BAIAP2: variants seen among roughly 807,000 people sequenced by gnomAD.
The protein encoded by BAIAP2 is BAR/IMD domain-containing adapter protein 2.
BAIAP2 carries 18 observed loss-of-function variants against 63.0 expected under a neutral mutation model. The ratio of observed to expected loss-of-function variants is 0.29; its 90% CI spans 0.20 to 0.42. The LOEUF is 0.42. Ranked by LOEUF, BAIAP2 falls within the 10% of genes least tolerant of loss-of-function variation. The probability of loss-of-function intolerance (pLI) is 1.00; values close to 1 mark genes in which losing one functional copy is unlikely to be tolerated. For synonymous variants in BAIAP2, 386 were observed against 307.6 expected (o/e 1.25, Z -2.67); for missense variants, 610 against 734.3 (o/e 0.83, Z 1.96).
In BAIAP2 at chr17:81,109,308, C is replaced by T. The variant is rs1206380335; in HGVS notation, c.1535+799C>T. Reference sequence around the variant, plus strand: ...CGGCCTCACCCTGCAGTGTCTGTGGCACTCACTGCTTTTCTAAGGCTCGCC... The same window carrying T: ...CGGCCTCACCCTGCAGTGTCTGTGGTACTCACTGCTTTTCTAAGGCTCGCC... On this transcript the variant is annotated intron_variant, in intron 13 of 13. Coordinates refer to ENST00000428708, the MANE Select transcript of BAIAP2 (RefSeq NM_001144888.2). 3 of 1,174,608 alleles carry T rather than the reference C, an allele frequency of 2.6e-6. No homozygotes were observed. The Admixed American group carries it at 1.4e-4, about 55-fold the overall frequency. The allele number at this position is 1,174,608 out of a possible 1,614,324, so 72.8% of individuals were successfully genotyped here. A position where few individuals can be genotyped will look rare whatever the true frequency, so the allele number is the denominator to read the frequency against.
At position 81,116,488 on chromosome 17, in the gene BAIAP2, C is replaced by T. The variant is rs966874024; in HGVS notation, c.*649C>T. On this transcript the variant is annotated 3_prime_UTR_variant, in exon 14 of 14. Coordinates refer to ENST00000428708, the MANE Select transcript of BAIAP2 (RefSeq NM_001144888.2). ...GCCCCAGCCCTCCTCCTTACCCAAC[C>T]TCCCATCCAGAACCTTGCTGCCAGG... The T allele has an allele frequency of 6.5e-6, 5 of 766,618 alleles. No homozygotes were observed. The highest frequency in any genetic ancestry group is 2.7e-5 in the East Asian group (1 of 36,608). 47.5% of individuals were successfully genotyped at this position (766,618 alleles called of 1,614,324 possible).
chr17:81,106,936 G>A lies in BAIAP2; in HGVS notation c.1500+29G>A, dbSNP rs1457558805. On this transcript the variant is annotated intron_variant, in intron 12 of 13. Transcript: ENST00000428708. ...AGTGGGCGGGGCCGGGGCTGGGAGG[G>A]GCCCGCAGGTGGAACAGTGGGCTCA... 4 of 1,479,108 alleles carry A rather than the reference G, an allele frequency of 2.7e-6. No individual in the cohort carries two copies. In the South Asian group the frequency reaches 5.5e-5, roughly 20 times the overall value. 91.6% of individuals were successfully genotyped at this position (1,479,108 alleles called of 1,614,324 possible).
intron 3 of BAIAP2, among the ~76,000 whole-genome samples, chr17:81,060,976 T>C (rs2050443632): frequency 6.6e-6 from 1 of 151,764 alleles, no homozygotes; most frequent in African/African-American, 2.4e-5. Flanking sequence ...TACAAAAAAT[T>C]AGCCGGGCGT....
At chr17:81,084,266 T>C (rs2055169270) in intron 3 of BAIAP2, among the ~76,000 whole-genome samples, 1 of 152,158 alleles carries the variant, frequency 6.6e-6, no homozygotes, top group Non-Finnish European at 1.5e-5. Flanking sequence ...ACCGCGCTCC[T>C]CTGGGGCTCA....
In BAIAP2 at chr17:81,115,821, T is replaced by A; in HGVS notation, c.1587T>A (p.Ser529=). ...AGCCGACAGTGACCAACGACAGGTC[T>A]GCCCCCCTCCTCAGCTGATGGCCAC... ...QLKPTVTNDR[S]APLLS Residue 529 remains serine, a synonymous_variant, in exon 14 of 14, where the codon TCT becomes TCA. Coordinates refer to ENST00000428708, the MANE Select transcript of BAIAP2 (RefSeq NM_001144888.2). 6.2e-7 allele frequency: 1 copy of A among 1,613,560 alleles called. No homozygotes were observed. The highest frequency in any genetic ancestry group is 1.3e-5 in the African/African-American group (1 of 75,074).
At chr17:81,053,061 C>A (rs181606178) in intron 1 of BAIAP2, among the ~76,000 whole-genome samples, 1 of 152,252 alleles carries the variant, frequency 6.6e-6, no homozygotes, top group African/African-American at 2.4e-5. Flanking sequence ...ATTTATTTGG[C>A]CTTCGCAGTG....
intron 1 of BAIAP2, among the ~76,000 whole-genome samples, chr17:81,043,832 C>T (rs1276996159): frequency 2.6e-5 from 4 of 152,224 alleles, no homozygotes; most frequent in Non-Finnish European, 4.4e-5. Flanking sequence ...TCTCCAGCCG[C>T]GCGTCTGTCC....
intron 6 of BAIAP2, among the ~76,000 whole-genome samples, chr17:81,095,140 G>A (rs554700012): frequency 1.6e-4 from 25 of 152,308 alleles, no homozygotes; most frequent in African/African-American, 5.5e-4. Context: ...TAGTGCTGTC[G>A]CCATGGCACC....
chr17:81,103,861 C>A lies in BAIAP2; in HGVS notation c.865-46C>A, dbSNP rs760433984. On this transcript the variant is annotated intron_variant, in intron 8 of 13. Transcript: ENST00000428708. ...GGGTTCTCTTTCCCCCTGGTCTTGC[C>A]CGGGGTGGGCTCCAGCAACAGCCTG... 1.9e-6 allele frequency: 3 copies of A among 1,607,622 alleles called. No homozygotes were observed. In the Admixed American group the frequency reaches 5.0e-5, roughly 27 times the overall value.
chr17:81,074,525 CTG>C (rs753874203), intron 3 of BAIAP2, among the ~76,000 whole-genome samples: 9 of 144,074 alleles, frequency 6.2e-5, no homozygotes, highest in Non-Finnish European at 7.5e-5. Context: ...TACGAGTTGC[CTG>C]TGTGTGTGCA....
At chr17:81,057,579 C>T in intron 2 of BAIAP2, 1 of 1,078,048 alleles carries the variant, frequency 9.3e-7, no homozygotes, top group Non-Finnish European at 1.1e-6. Flanking sequence ...CTCCCCCCGG[C>T]CCTGCCTGGT....
At chr17:81,085,818 C>A in intron 5 of BAIAP2, 93 bp downstream of exon 5, 1 of 986,490 alleles carries the variant, frequency 1.0e-6, no homozygotes, top group African/African-American at 1.6e-5. Flanking sequence ...GAAGGCTTCC[C>A]ACTTCCCCGA....
rs747112101 is a variant in BAIAP2 at position 81,110,974 on chromosome 17, G to A, written c.1535+2465G>A. Reference sequence around the variant, plus strand: ...GACTAGAGTTAGTAAGTTGCCTGGCGTTCTCGTGCAGTCACTGGCCTCTCC... The same window carrying A: ...GACTAGAGTTAGTAAGTTGCCTGGCATTCTCGTGCAGTCACTGGCCTCTCC... On this transcript the variant is annotated intron_variant, in intron 13 of 13. Transcript: ENST00000428708. 102 of 1,613,704 alleles carry A rather than the reference G, an allele frequency of 6.3e-5. 2 individuals carry two copies. In the Middle Eastern group the frequency reaches 6.6e-4, roughly 10 times the overall value.
At position 81,103,483 on chromosome 17, in the gene BAIAP2, C is replaced by T; in HGVS notation, c.643-19C>T. On this transcript the variant is annotated intron_variant, in intron 7 of 13. Transcript: ENST00000428708. Reference sequence around the variant, plus strand: ...CTGAGCCGGCCCTGACCCCTCCCTTCCTGCTGCTTCCACTTCAGGGCAAGG... The same window carrying T: ...CTGAGCCGGCCCTGACCCCTCCCTTTCTGCTGCTTCCACTTCAGGGCAAGG... The T allele has an allele frequency of 6.5e-7, 1 of 1,546,046 alleles. No individual in the cohort carries two copies. The highest frequency in any genetic ancestry group is 8.7e-7 in the Non-Finnish European group (1 of 1,152,784).
chr17:81,071,110 T>C (rs546355261), intron 3 of BAIAP2, among the ~76,000 whole-genome samples: 21 of 151,454 alleles, frequency 1.4e-4, no homozygotes, highest in African/African-American at 3.4e-4. Context: ...TTTTTTTTTT[T>C]TCCCCCATTG....
chr17:81,060,619 G>C (rs1352616727), intron 3 of BAIAP2, among the ~76,000 whole-genome samples: 1 of 152,220 alleles, frequency 6.6e-6, no homozygotes, highest in African/African-American at 2.4e-5. Flanking sequence ...CTGTGAGCCT[G>C]TTTTCATCTC....
intron 6 of BAIAP2, among the ~76,000 whole-genome samples, chr17:81,092,802 T>A (rs1224700985): frequency 6.6e-6 from 1 of 152,134 alleles, no homozygotes; most frequent in African/African-American, 2.4e-5. Flanking sequence ...GGAGGGAATG[T>A]TCTCCACACC....
chr17:81,073,336 C>T (rs756619538), intron 3 of BAIAP2, among the ~76,000 whole-genome samples: 14 of 152,136 alleles, frequency 9.2e-5, no homozygotes, highest in Non-Finnish European at 2.1e-4. Context: ...TGTAGGAGTA[C>T]CAGGCCGGGG....
intron 7 of BAIAP2, 117 bp downstream of exon 7, chr17:81,100,197 T>C: frequency 7.5e-7 from 1 of 1,333,642 alleles, no homozygotes; most frequent in Non-Finnish European, 9.8e-7. Context: ...AGGCTCGAAC[T>C]CTCGTTTATT....
Sources: allele counts gnomAD v4.1 joint callset (sites outside exome capture counted in the v4.1 genomes callset), GRCh38; gene constraint gnomAD v4.1.1; transcripts MANE v1.5; gene names NCBI Gene and HGNC (gene_info 2026-07-23, HGNC 2026-07-21).